The following SUSD4 variants were observed in gnomAD, a reference collection of about 807,000 sequenced individuals.
SUSD4 encodes the protein sushi domain containing 4, also known as sushi domain-containing protein 4.
In SUSD4, 41 loss-of-function variants were observed where a neutral mutation model predicts 50.5. The ratio of observed to expected loss-of-function variants is 0.81; its 90% CI spans 0.63 to 1.05. The LOEUF is 1.05. Among genes scored for constraint, SUSD4 ranks in the 50% least tolerant of loss-of-function variants. SUSD4 has a pLI of 0.00. For synonymous variants in SUSD4, 257 were observed against 257.3 expected (o/e 1.00, Z 0.01); for missense variants, 580 against 634.7 (o/e 0.91, Z 0.93).
At position 223,364,063 on chromosome 1, in the gene SUSD4, G is replaced by A. The variant is rs1669172042; in HGVS notation, c.-42C>T. The A allele has an allele frequency of 1.3e-5, 2 of 152,292 alleles. No homozygotes were observed. The highest frequency in any genetic ancestry group is 3.9e-4 in the East Asian group (2 of 5,104). 9.4% of individuals were successfully genotyped at this position (152,292 alleles called of 1,614,324 possible). A position where few individuals can be genotyped will look rare whatever the true frequency, so the allele number is the denominator to read the frequency against. On this transcript the variant is annotated 5_prime_UTR_variant, in exon 1 of 9. Transcript: ENST00000366878. The surrounding 1 kb of genome is among the most constrained non-coding windows in gnomAD (Gnocchi z 4.5). ...CCGGGACTGTCGGTCTTACCTGTGG[G>A]TCTCATGCATGCAGCTTCCTTCCCT...
intron 5 of SUSD4, among the ~76,000 whole-genome samples, chr1:223,244,201 T>C (rs897389479): frequency 1.2e-4 from 18 of 152,314 alleles, no homozygotes; most frequent in Middle Eastern, 6.8e-3. Flanking sequence ...AGGTAGATGT[T>C]CTTTTATGCA....
chr1:223,310,774 T>A (rs1028139710), intron 2 of SUSD4, among the ~76,000 whole-genome samples: 2 of 152,232 alleles, frequency 1.3e-5, no homozygotes, highest in African/African-American at 4.8e-5. Context: ...CACAGACTGT[T>A]AAATTGAGGG....
intron 2 of SUSD4, among the ~76,000 whole-genome samples, chr1:223,299,181 CATAATGACAATGATCAGCCCCCTCAAATA>C (rs1665027137): frequency 6.6e-6 from 1 of 152,182 alleles, no homozygotes; most frequent in Non-Finnish European, 1.5e-5. Context: ...AGTGTGCTTC[CATAATGACAATGATCAGCCCCCTCAAATA>C]ACATATCCAT....
chr1:223,344,143 A>G (rs1210466300), intron 2 of SUSD4, among the ~76,000 whole-genome samples: 1 of 152,226 alleles, frequency 6.6e-6, no homozygotes, highest in Non-Finnish European at 1.5e-5. Context: ...TCTTCTCAAT[A>G]AATATATACA....
chr1:223,273,879 C>T (rs1663084644), intron 3 of SUSD4, among the ~76,000 whole-genome samples: 1 of 152,184 alleles, frequency 6.6e-6, no homozygotes, highest in Non-Finnish European at 1.5e-5. Context: ...GCACCTCTTC[C>T]CTTGGCTGAT....
Position 223,242,567 on chromosome 1 carries a change from C to T in SUSD4, c.725-13179G>A, listed in dbSNP as rs76594529. 1.1e-4 allele frequency among the ~76,000 whole-genome samples: 17 copies of T among 152,350 alleles called. No homozygotes were observed. In the East Asian group the frequency reaches 1.5e-3, roughly 14 times the overall value. On this transcript the variant is annotated intron_variant, in intron 5 of 8. Coordinates refer to ENST00000366878, the MANE Select transcript of SUSD4 (RefSeq NM_017982.4). ...ACTTTCATCCCTGGCCCAGGCCCAT[C>T]CCTGTCCACGTGGCAGGATGCCTGA...
chr1:223,303,857 C>A (rs1055953464), intron 2 of SUSD4, among the ~76,000 whole-genome samples: 3 of 152,128 alleles, frequency 2.0e-5, no homozygotes, highest in Non-Finnish European at 2.9e-5. Context: ...TAAGAATTTA[C>A]AATATAGTGT....
chr1:223,282,464 T>A (rs1035648902), intron 3 of SUSD4, among the ~76,000 whole-genome samples: 28 of 152,022 alleles, frequency 1.8e-4, no homozygotes, highest in African/African-American at 6.0e-4. Context: ...CAGAGAGCCA[T>A]ATCATGAGTG....
intron 2 of SUSD4, among the ~76,000 whole-genome samples, chr1:223,356,364 C>G (rs1030055997): frequency 7.2e-5 from 11 of 151,924 alleles, no homozygotes; most frequent in Non-Finnish European, 1.3e-4. Context: ...TCAAATTTAA[C>G]CTTTTAGGGG....
intron 5 of SUSD4, chr1:223,234,842 G>T: frequency 7.2e-7 from 1 of 1,387,356 alleles, no homozygotes; most frequent in Non-Finnish European, 9.5e-7. Flanking sequence ...AACAATGCCA[G>T]TTGGTTCTTC....
intron 2 of SUSD4, among the ~76,000 whole-genome samples, chr1:223,333,986 T>C (rs1272373877): frequency 2.0e-5 from 3 of 152,138 alleles, no homozygotes; most frequent in Admixed American, 1.3e-4. Flanking sequence ...CTCAGCCCAG[T>C]CAATTTTCAG....
At chr1:223,362,304 G>A (rs1020560487) in intron 2 of SUSD4, among the ~76,000 whole-genome samples, 8 of 151,964 alleles carry the variant, frequency 5.3e-5, no homozygotes, top group African/African-American at 1.9e-4. Flanking sequence ...ATTTTAAAAC[G>A]CTAAAATGGT....
chr1:223,293,395 C>G (rs1346072955), intron 2 of SUSD4, among the ~76,000 whole-genome samples: 1 of 152,224 alleles, frequency 6.6e-6, no homozygotes, highest in Non-Finnish European at 1.5e-5. Context: ...AGCTGCCTCT[C>G]ATCCCAGGCT....
At chr1:223,246,237 G>C (rs942436186) in intron 5 of SUSD4, among the ~76,000 whole-genome samples, 3 of 152,110 alleles carry the variant, frequency 2.0e-5, no homozygotes, top group African/African-American at 7.2e-5. Flanking sequence ...CAAGGAAGAG[G>C]GAGCAGCTCC....
intron 4 of SUSD4, 107 bp from the exon 5 acceptor site, chr1:223,264,925 T>A: frequency 8.6e-7 from 1 of 1,160,166 alleles, no homozygotes; most frequent in Non-Finnish European, 1.2e-6. Flanking sequence ...CCTCTGAAGG[T>A]GAAAATGGCA....
intron 2 of SUSD4, among the ~76,000 whole-genome samples, chr1:223,358,091 C>A (rs1026377258): frequency 6.6e-6 from 1 of 152,130 alleles, no homozygotes; most frequent in African/African-American, 2.4e-5. Context: ...AATTTTAAAT[C>A]GAATTTAAAA....
At chr1:223,254,522 G>A (rs979007648) in intron 5 of SUSD4, among the ~76,000 whole-genome samples, 1 of 152,190 alleles carries the variant, frequency 6.6e-6, no homozygotes, top group Non-Finnish European at 1.5e-5. Context: ...GATTCGGAGA[G>A]AGAGGATGAG....
chr1:223,239,503 T>C (rs1450077666), intron 5 of SUSD4, among the ~76,000 whole-genome samples: 1 of 152,140 alleles, frequency 6.6e-6, no homozygotes, highest in Non-Finnish European at 1.5e-5. Flanking sequence ...CTCTCCTGTC[T>C]TAGCATATCA....
At chr1:223,358,036 C>A (rs904459788) in intron 2 of SUSD4, among the ~76,000 whole-genome samples, 2 of 152,184 alleles carry the variant, frequency 1.3e-5, no homozygotes, top group Non-Finnish European at 2.9e-5. Context: ...GAGCAGTGTG[C>A]AAAATCACTT....
Sources: gnomAD v4.1 joint callset for allele counts (sites outside exome capture counted in the v4.1 genomes callset) on GRCh38, gnomAD v4.1.1 for gene constraint, Gnocchi (gnomAD v3.1) non-coding constraint, MANE v1.5 for transcripts, NCBI Gene and HGNC (gene_info 2026-07-23, HGNC 2026-07-21) for gene names.